Variants in DERA observed in about 807,000 individuals in gnomAD.
DERA encodes the protein deoxyribose-phosphate aldolase, also known as 2-deoxy-D-ribose 5-phosphate aldolase.
In DERA, 15 loss-of-function variants were observed where a neutral mutation model predicts 41.1. The observed-to-expected ratio is 0.37, with a 90% CI of 0.24 to 0.56. DERA has a LOEUF of 0.56. Ranked by LOEUF, DERA falls within the 20% of genes least tolerant of loss-of-function variation. The pLI is 0.81. For missense variants in DERA, 396 were observed against 403.4 expected (o/e 0.98, Z 0.16); for synonymous variants, 139 against 137.4 (o/e 1.01, Z -0.08).
At chr12:15,962,995 G>T in intron 5 of DERA, 48 bp downstream of exon 5, 1 of 1,574,350 alleles carries the variant, frequency 6.4e-7, no homozygotes, top group Non-Finnish European at 8.6e-7. Flanking sequence ...CTTCCCTGGT[G>T]AATCAGATGA....
intron 1 of DERA, among the ~76,000 whole-genome samples, chr12:15,939,403 CAA>C (rs1351446075): frequency 6.6e-6 from 1 of 152,070 alleles, no homozygotes; most frequent in Non-Finnish European, 1.5e-5. Context: ...TGTTATGTAA[CAA>C]AAGACAGTCA....
chr12:15,955,765 A>G (rs1243857185), intron 1 of DERA, among the ~76,000 whole-genome samples: 1 of 152,218 alleles, frequency 6.6e-6, no homozygotes, highest in African/African-American at 2.4e-5. Context: ...ATCTGTAAAC[A>G]TTAGTTTAGA....
rs1477082831 is a variant in DERA, at chr12:16,035,296, C to T, written c.751-936C>T. Among the ~76,000 whole-genome samples, 1 of 152,152 alleles carries T rather than the reference C, an allele frequency of 6.6e-6. No homozygotes were observed. The highest frequency in any genetic ancestry group is 1.5e-5 in the Non-Finnish European group (1 of 68,036). ...TATATTCATTTAATGTCTCCCTTCT[C>T]TAGCATTCTGTTAGCAGTCATCTGC... On this transcript the variant is annotated intron_variant, in intron 7 of 8. Transcript: ENST00000428559. The surrounding 1 kb of genome is among the most constrained non-coding windows in gnomAD (Gnocchi z 4.1).
intron 1 of DERA, among the ~76,000 whole-genome samples, chr12:15,951,658 G>A (rs1384253868): frequency 6.6e-6 from 1 of 152,148 alleles, no homozygotes; most frequent in African/African-American, 2.4e-5. Context: ...TTAAATATTA[G>A]GGGAATATAT....
Position 16,033,029 on chromosome 12 carries a change from ATTAAACTTCCT to A in DERA, c.750+377_750+387del, listed in dbSNP as rs1301965861. The A allele has an allele frequency of 5.1e-5, 10 of 195,242 alleles. No homozygotes were observed. In the South Asian group the frequency reaches 9.0e-4, roughly 17 times the overall value. 12.1% of individuals were successfully genotyped at this position (195,242 alleles called of 1,614,324 possible). ...CCAGTGAAAACAGGTTAATGCAGAA[ATTAAACTTCCT>A]TGAGGAATGGAAAGAATTGCAGAGT... On this transcript the variant is annotated intron_variant, in intron 7 of 8. Coordinates refer to ENST00000428559, the MANE Select transcript of DERA (RefSeq NM_015954.4).
rs1949130374 is a variant in DERA, at chr12:16,036,572, G to A, written c.901-118G>A. The A allele has an allele frequency of 2.4e-5, 24 of 1,017,696 alleles. No homozygotes were observed. The highest frequency in any genetic ancestry group is 3.2e-5 in the Non-Finnish European group (22 of 694,632). The allele number at this position is 1,017,696 out of a possible 1,614,324, so 63.0% of individuals were successfully genotyped here. On this transcript the variant is annotated intron_variant, in intron 8 of 8. Transcript: ENST00000428559. The surrounding 1 kb of genome is among the most constrained non-coding windows in gnomAD (Gnocchi z 4.9). ...GGAGATTCTGCTGAAGCACATACTA[G>A]TGAGGCTTTCTAATGAAATGTTCAT... is the stretch of plus-strand genomic sequence containing the variant.
chr12:16,032,435 T>C (rs1326260740), intron 6 of DERA, 107 bp from the exon 7 acceptor site: 14 of 635,288 alleles, frequency 2.2e-5, no homozygotes, highest in Admixed American at 3.5e-5. Flanking sequence ...AAAAATAACA[T>C]TGGGTTTCTT....
intron 6 of DERA, among the ~76,000 whole-genome samples, chr12:16,031,798 G>A (rs1043282628): frequency 1.3e-5 from 2 of 151,998 alleles, no homozygotes; most frequent in African/African-American, 2.4e-5. Flanking sequence ...AGTAGAGATC[G>A]TATTACTATG....
At chr12:15,997,613 A>G (rs1400221796) in intron 6 of DERA, among the ~76,000 whole-genome samples, 1 of 152,212 alleles carries the variant, frequency 6.6e-6, no homozygotes, top group African/African-American at 2.4e-5. Context: ...TGAGGAAACT[A>G]CATATCTAAA....
chr12:16,036,542 A>G lies in DERA; in HGVS notation c.901-148A>G, dbSNP rs2136192164. On this transcript the variant is annotated intron_variant, in intron 8 of 8. Coordinates refer to ENST00000428559, the MANE Select transcript of DERA (RefSeq NM_015954.4). The surrounding 1 kb of genome is among the most constrained non-coding windows in gnomAD (Gnocchi z 4.9). ...AAGCAAACCGCCATCAGAAGTGAGT[A>G]GGGTGGAGATTCTGCTGAAGCACAT... 1 of 993,482 alleles carries G rather than the reference A, an allele frequency of 1.0e-6. No individual in the cohort carries two copies. The highest frequency in any genetic ancestry group is 1.7e-5 in the South Asian group (1 of 57,562). 61.5% of individuals were successfully genotyped at this position (993,482 alleles called of 1,614,324 possible).
chr12:15,915,502 C>T lies in DERA; in HGVS notation c.31+4088C>T, dbSNP rs918140549. Among the ~76,000 whole-genome samples the T allele has an allele frequency of 3.3e-5, 5 of 151,986 alleles. No individual in the cohort carries two copies. The highest frequency in any genetic ancestry group is 5.9e-5 in the Non-Finnish European group (4 of 68,000). ...TAGAGACCGTGTGTCAGTATGTTGA[C>T]CAGACTGTTCTCAAACTCCTAGCCT... On this transcript the variant is annotated intron_variant, in intron 1 of 8. Transcript: ENST00000428559. The surrounding 1 kb of genome is among the most constrained non-coding windows in gnomAD (Gnocchi z 4.8).
At chr12:15,987,154 A>G (rs1948770106) in intron 6 of DERA, among the ~76,000 whole-genome samples, 1 of 149,874 alleles carries the variant, frequency 6.7e-6, no homozygotes, top group African/African-American at 2.5e-5. Flanking sequence ...TTTATCCTGA[A>G]CTTTTCTGAG....
intron 6 of DERA, among the ~76,000 whole-genome samples, chr12:16,029,850 T>C (rs939500843): frequency 4.0e-5 from 6 of 151,178 alleles, no homozygotes; most frequent in Admixed American, 6.6e-5. Context: ...TTTGATTAAC[T>C]TTAGATGGTG....
rs980419213 is a variant in DERA, at chr12:15,994,082, A to T, written c.637+11646A>T. On this transcript the variant is annotated intron_variant, in intron 6 of 8. Transcript: ENST00000428559. This position sits in a 1 kb window ranked among gnomAD's most constrained non-coding sequence, Gnocchi z 4.8. ...GAAATTGTGAAAAATGTAGCCCAAC[A>T]TATTCCAAAATCACAGAACTGCTTC... is the stretch of plus-strand genomic sequence containing the variant. Among the ~76,000 whole-genome samples the T allele has an allele frequency of 6.6e-6, 1 of 152,252 alleles. No homozygotes were observed. The highest frequency in any genetic ancestry group is 1.5e-5 in the Non-Finnish European group (1 of 68,042).
rs1229455970 is a variant in DERA at position 15,967,073 on chromosome 12, G to T, written c.508+4126G>T. On this transcript the variant is annotated intron_variant, in intron 5 of 8. Transcript: ENST00000428559. This position sits in a 1 kb window ranked among gnomAD's most constrained non-coding sequence, Gnocchi z 4.9. ...TTTTGGAAATAAATCTATTAGGCCGGGCACAGTGGCTTATGCCTGTAATCC... is the reference window on the plus strand; with the variant it reads ...TTTTGGAAATAAATCTATTAGGCCGTGCACAGTGGCTTATGCCTGTAATCC... 6.6e-6 allele frequency among the ~76,000 whole-genome samples: 1 copy of T among 152,002 alleles called. No homozygotes were observed. Among genetic ancestry groups the T allele is most frequent in the East Asian group, 1.9e-4 (1 of 5,162 alleles).
chr12:15,983,444 G>A lies in DERA; in HGVS notation c.637+1008G>A, dbSNP rs1219493015. Among the ~76,000 whole-genome samples, 6 of 152,038 alleles carry A rather than the reference G, an allele frequency of 3.9e-5. No homozygotes were observed. The highest frequency in any genetic ancestry group is 1.4e-4 in the African/African-American group (6 of 41,384). ...TTTGTACGTTCTGTGCCTCCTGCCC[G>A]GAATGCCTTTTGCCCAAATAACTCC... On this transcript the variant is annotated intron_variant, in intron 6 of 8. Coordinates refer to ENST00000428559, the MANE Select transcript of DERA (RefSeq NM_015954.4). This position sits in a 1 kb window ranked among gnomAD's most constrained non-coding sequence, Gnocchi z 6.2.
rs71438362 is a variant in DERA, at chr12:15,936,850, GTTGTCTTGTCTTGTCTTGTC to G, written c.32-20065_32-20046del. ...CTTATTTCTGCATCTTCTGTCTTGT[GTTGTCTTGTCTTGTCTTGTC>G]TTGTCTTGTCTTGTCTTGTCCTGTC... is the stretch of plus-strand genomic sequence containing the variant. On this transcript the variant is annotated intron_variant, in intron 1 of 8. Transcript: ENST00000428559. The surrounding 1 kb of genome is among the most constrained non-coding windows in gnomAD (Gnocchi z 4.6). Among the ~76,000 whole-genome samples the G allele has an allele frequency of 7.7e-6, 1 of 129,420 alleles. No homozygotes were observed. The highest frequency in any genetic ancestry group is 2.5e-4 in the South Asian group (1 of 3,976). 84.9% of individuals were successfully genotyped at this position (129,420 alleles called of 152,430 possible).
chr12:16,029,026 T>G (rs765955024), intron 6 of DERA, among the ~76,000 whole-genome samples: 1 of 152,204 alleles, frequency 6.6e-6, no homozygotes, highest in Non-Finnish European at 1.5e-5. Flanking sequence ...GTACCATAAT[T>G]ATATAAGATA....
intron 1 of DERA, among the ~76,000 whole-genome samples, chr12:15,917,271 C>T (rs908192077): frequency 1.3e-5 from 2 of 152,156 alleles, no homozygotes; most frequent in African/African-American, 4.8e-5. Flanking sequence ...GAAAATTTGA[C>T]TCTAGCTCTT....
Sources: allele counts gnomAD v4.1 joint callset (sites outside exome capture counted in the v4.1 genomes callset), GRCh38; gene constraint gnomAD v4.1.1; non-coding constraint Gnocchi (gnomAD v3.1); transcripts MANE v1.5; gene names NCBI Gene and HGNC (gene_info 2026-07-23, HGNC 2026-07-21).